MRPL14: variants seen among roughly 807,000 people sequenced by gnomAD.
The protein encoded by MRPL14 is mitochondrial ribosomal protein L14.
A neutral mutation model predicts 10.9 loss-of-function variants in MRPL14; 8 were observed. That is an observed-to-expected ratio of 0.74 (90% CI 0.43 to 1.33). The LOEUF (loss-of-function observed/expected upper bound fraction) is 1.33. Ranked by LOEUF, MRPL14 falls within the 40% of genes most tolerant of loss-of-function variation. The pLI, the probability that MRPL14 is intolerant of heterozygous loss-of-function variation, is 0.01. For synonymous variants in MRPL14, 82 were observed against 74.1 expected, an observed-to-expected ratio of 1.11 and a Z score of -0.54; for missense variants, 179 against 194.5, an observed-to-expected ratio of 0.92 and a Z score of 0.47.
chr6:44,116,417 A>G, intron 2 of MRPL14, 124 bp downstream of exon 2: 1 of 929,864 alleles, frequency 1.1e-6, no homozygotes. Flanking sequence ...TGATCACTTT[A>G]GCTTTCCCCA....
chr6:44,119,658 A>G (rs1776215473), intron 1 of MRPL14, among the ~76,000 whole-genome samples: 1 of 152,214 alleles, frequency 6.6e-6, no homozygotes, highest in Non-Finnish European at 1.5e-5. Flanking sequence ...GACAATTTGT[A>G]GTGTAGGAGG....
At chr6:44,126,366 A>G (rs1279406445) in intron 1 of MRPL14, among the ~76,000 whole-genome samples, 1 of 152,262 alleles carries the variant, frequency 6.6e-6, no homozygotes, top group Non-Finnish European at 1.5e-5. Context: ...TTTGAAAAAC[A>G]CTGCAATAAA....
At chr6:44,123,637 C>T (rs1039773337) in intron 1 of MRPL14, among the ~76,000 whole-genome samples, 18 of 152,204 alleles carry the variant, frequency 1.2e-4, no homozygotes, top group Non-Finnish European at 2.5e-4. Flanking sequence ...TTCTCAACCC[C>T]ATTTCACAAA....
Position 44,116,438 on chromosome 6 carries a change from C to A in MRPL14, c.71+103G>T, listed in dbSNP as rs181125300. On this transcript the variant is annotated intron_variant, in intron 2 of 2. Transcript: ENST00000372014. ...CTTTAGCTTTCCCCAACCCCATGCC[C>A]ACCTCCCTGAGTTTTTACTCCTGTT... The A allele has an allele frequency of 4.2e-6, 5 of 1,188,808 alleles. No homozygotes were observed. The African/African-American group carries it at 4.5e-5, about 11-fold the overall frequency. The allele number at this position is 1,188,808 out of a possible 1,614,324, so 73.6% of individuals were successfully genotyped here. A position where few individuals can be genotyped will look rare whatever the true frequency, so the allele number is the denominator to read the frequency against.
Position 44,116,771 on chromosome 6 carries a change from T to C in MRPL14, c.-18-142A>G, listed in dbSNP as rs143514881. On this transcript the variant is annotated intron_variant, in intron 1 of 2. Transcript: ENST00000372014. ...AATATAAATCTTAGTGGTTAAAGGA[T>C]ACACAGATGATTAGACAGAGCTGTA... The C allele has an allele frequency of 9.0e-4, 566 of 629,118 alleles. 4 individuals are homozygous for C. In the African/African-American group the frequency reaches 9.4e-3, roughly 10 times the overall value. 39.0% of individuals were successfully genotyped at this position (629,118 alleles called of 1,614,324 possible). A position where few individuals can be genotyped will look rare whatever the true frequency, so the allele number is the denominator to read the frequency against.
intron 2 of MRPL14, among the ~76,000 whole-genome samples, chr6:44,115,117 G>A (rs1175590655): frequency 6.6e-6 from 1 of 152,112 alleles, no homozygotes; most frequent in Non-Finnish European, 1.5e-5. Flanking sequence ...GATTACAGTG[G>A]GATTCCTATT....
intron 1 of MRPL14, among the ~76,000 whole-genome samples, chr6:44,125,053 A>T (rs1402813893): frequency 6.6e-6 from 1 of 152,168 alleles, no homozygotes; most frequent in Non-Finnish European, 1.5e-5. Flanking sequence ...TCAGTGCCCA[A>T]CCACCTGAAA....
chr6:44,117,129 G>A (rs928479679), intron 1 of MRPL14, among the ~76,000 whole-genome samples: 16 of 152,076 alleles, frequency 1.1e-4, no homozygotes, highest in African/African-American at 3.6e-4. Context: ...AAATGTAAAG[G>A]CCAGAACACC....
At chr6:44,126,159 C>A (rs960964893) in intron 1 of MRPL14, among the ~76,000 whole-genome samples, 1 of 152,190 alleles carries the variant, frequency 6.6e-6, no homozygotes, top group Admixed American at 6.5e-5. Context: ...TAGAAGGGCA[C>A]AGGAGACAAC....
At chr6:44,126,069 T>C (rs555512701) in intron 1 of MRPL14, among the ~76,000 whole-genome samples, 3 of 152,334 alleles carry the variant, frequency 2.0e-5, no homozygotes, top group African/African-American at 7.2e-5. Flanking sequence ...TTCTTTACTG[T>C]ATATTCCTGG....
intron 1 of MRPL14, among the ~76,000 whole-genome samples, chr6:44,126,211 G>A (rs1284163606): frequency 1.3e-5 from 2 of 152,204 alleles, no homozygotes; most frequent in South Asian, 4.1e-4. Context: ...GAAACACACT[G>A]TAGAACACCT....
chr6:44,116,052 C>CT (rs1775815455), intron 2 of MRPL14, among the ~76,000 whole-genome samples: 1 of 152,210 alleles, frequency 6.6e-6, no homozygotes, highest in Admixed American at 6.5e-5. Context: ...CAGGAAATGC[C>CT]TGTGGGATGA....
intron 1 of MRPL14, among the ~76,000 whole-genome samples, chr6:44,123,868 CT>C (rs1018337667): frequency 6.6e-6 from 1 of 151,310 alleles, no homozygotes; most frequent in African/African-American, 2.4e-5. Context: ...GAGACCCTGC[CT>C]CAAAAAAAAA....
rs1274184499 is a variant in MRPL14, at chr6:44,114,114, C to T, written c.167G>A (p.Arg56His). ...ATTCTTCTTATAGACATGGATGCAG[C>T]GAGGAGCCCGATGGTATGGGCTGTT... ...LGNSPYHRAP[R>H]CIHVYKKNGV... The change falls in exon 3 of 3, where the codon CGC becomes CAC. Residue 56 changes from arginine (R) to histidine (H), a missense_variant. By Grantham distance (29) the Arg-to-His change is conservative (BLOSUM62 0). Coordinates refer to ENST00000372014, the MANE Select transcript of MRPL14 (RefSeq NM_032111.4). 19 of 1,614,170 alleles carry T rather than the reference C, an allele frequency of 1.2e-5. No homozygotes were observed. Among genetic ancestry groups the T allele is most frequent in the South Asian group, 6.6e-5 (6 of 91,080 alleles).
chr6:44,125,643 A>G (rs1776908692), intron 1 of MRPL14, among the ~76,000 whole-genome samples: 1 of 118,766 alleles, frequency 8.4e-6, no homozygotes, highest in Non-Finnish European at 1.6e-5. Flanking sequence ...CCTGGGCAAG[A>G]GAGACTGTCT....
Position 44,118,116 on chromosome 6 carries a change from A to C in MRPL14, c.-18-1487T>G, listed in dbSNP as rs138923845. ...GATCAGAAAAATCAAATGCAAAAGAAGGCAGCTAATGTATGCAACTACTAA... is the reference window on the plus strand; with the variant it reads ...GATCAGAAAAATCAAATGCAAAAGACGGCAGCTAATGTATGCAACTACTAA... On this transcript the variant is annotated intron_variant, in intron 1 of 2. Coordinates refer to ENST00000372014, the MANE Select transcript of MRPL14 (RefSeq NM_032111.4). Among the ~76,000 whole-genome samples the C allele has an allele frequency of 4.3e-4, 66 of 152,324 alleles. 1 individual carries two copies. In the East Asian group the frequency reaches 0.012, roughly 27 times the overall value.
At chr6:44,121,683 TAATCCC>T (rs1776430762) in intron 1 of MRPL14, among the ~76,000 whole-genome samples, 1 of 152,240 alleles carries the variant, frequency 6.6e-6, no homozygotes, top group Admixed American at 6.5e-5. Context: ...CTTACGCCTA[TAATCCC>T]AACACTTTGG....
At chr6:44,125,553 G>A (rs559728327) in intron 1 of MRPL14, among the ~76,000 whole-genome samples, 13 of 151,222 alleles carry the variant, frequency 8.6e-5, no homozygotes, top group African/African-American at 3.2e-4. Context: ...CTACTCGGGA[G>A]GCTGAGGCAT....
At chr6:44,122,325 C>A (rs1444963381) in intron 1 of MRPL14, among the ~76,000 whole-genome samples, 1 of 152,062 alleles carries the variant, frequency 6.6e-6, no homozygotes, top group Non-Finnish European at 1.5e-5. Flanking sequence ...CCTCGTGATC[C>A]GCCTGCCTCG....
Sources: gnomAD v4.1 joint callset for allele counts (sites outside exome capture counted in the v4.1 genomes callset) on GRCh38, gnomAD v4.1.1 for gene constraint, MANE v1.5 for transcripts, NCBI Gene and HGNC (gene_info 2026-07-23, HGNC 2026-07-21) for gene names.